PPP2R5E: variants seen among roughly 807,000 people sequenced by gnomAD.
PPP2R5E encodes serine/threonine-protein phosphatase 2A 56 kDa regulatory subunit epsilon isoform.
In PPP2R5E, 4 loss-of-function variants were observed where a neutral mutation model predicts 65.3. That is an observed-to-expected ratio of 0.06 (90% confidence interval 0.03 to 0.14). PPP2R5E has a LOEUF of 0.14. Ranked by LOEUF, PPP2R5E falls within the 10% of genes least tolerant of loss-of-function variation. The pLI, the probability that PPP2R5E is intolerant of heterozygous loss-of-function variation, is 1.00. For missense variants in PPP2R5E, 274 were observed against 556.1 expected, an observed-to-expected ratio of 0.49 and a Z score of 5.10; for synonymous variants, 183 against 187.4, an observed-to-expected ratio of 0.98 and a Z score of 0.19.
Position 63,415,395 on chromosome 14 carries a change from T to C in PPP2R5E, c.457-163A>G, listed in dbSNP as rs148897086. 3.3e-5 allele frequency among the ~76,000 whole-genome samples: 5 copies of C among 152,298 alleles called. No individual in the cohort carries two copies. In the East Asian group the frequency reaches 9.6e-4, roughly 29 times the overall value. ...CTTTCTTGTGGCTCACAGTTGCTGT[T>C]ATGCTTTCAACTTTTAAAATTTTAA... On this transcript the variant is annotated intron_variant, in intron 4 of 13. Transcript: ENST00000337537.
chr14:63,389,092 A>G (rs377401466), intron 11 of PPP2R5E, among the ~76,000 whole-genome samples: 1 of 151,536 alleles, frequency 6.6e-6, no homozygotes. Flanking sequence ...TCTACTCTCT[A>G]TTAACTTGGG....
Position 63,419,196 on chromosome 14 carries a change from G to T in PPP2R5E, c.456+2797C>A, listed in dbSNP as rs1013289171. On this transcript the variant is annotated intron_variant, in intron 4 of 13. Transcript: ENST00000337537. The stretch of plus-strand genomic sequence containing the variant: ...AAATTTAAATCAAAAAGGTATGCAG[G>T]AGCAGTCAATTAGCTGGGCAATGAG... 1.3e-5 allele frequency among the ~76,000 whole-genome samples: 2 copies of T among 152,212 alleles called. 1 individual carries two copies. The highest frequency in any genetic ancestry group is 6.8e-3 in the Middle Eastern group (2 of 294).
chr14:63,374,337 T>A lies in PPP2R5E; in HGVS notation c.*1672A>T, dbSNP rs1174372616. On this transcript the variant is annotated 3_prime_UTR_variant, in exon 14 of 14. Transcript: ENST00000337537. ...GCCCATATTTATATTGTATTTCTAT[T>A]AAGAGCAACAATAGTTCATATGTTC... 2 of 151,868 alleles carry A rather than the reference T, an allele frequency of 1.3e-5. No individual in the cohort carries two copies. Among genetic ancestry groups the A allele is most frequent in the African/African-American group, 4.8e-5 (2 of 41,394 alleles). 9.4% of individuals were successfully genotyped at this position (151,868 alleles called of 1,614,324 possible).
At chr14:63,423,678 A>C (rs577570108) in intron 3 of PPP2R5E, among the ~76,000 whole-genome samples, 1 of 152,356 alleles carries the variant, frequency 6.6e-6, no homozygotes, top group Non-Finnish European at 1.5e-5. Flanking sequence ...ACTGCTCTGA[A>C]AGAGGAAAGA....
chr14:63,416,674 A>T (rs1739865083), intron 4 of PPP2R5E, among the ~76,000 whole-genome samples: 1 of 152,136 alleles, frequency 6.6e-6, no homozygotes, highest in Admixed American at 6.5e-5. Context: ...ATTTAAAAAC[A>T]AGGTGCATTA....
chr14:63,512,094 AAAAAAAAAAAG>A (rs2139700200), intron 2 of PPP2R5E, among the ~76,000 whole-genome samples: 1 of 150,316 alleles, frequency 6.7e-6, no homozygotes, highest in South Asian at 2.1e-4. Context: ...AAAAAAAAAA[AAAAAAAAAAAG>A]AATCTCAGAA....
chr14:63,489,183 G>C (rs1040928317), intron 2 of PPP2R5E, among the ~76,000 whole-genome samples: 2 of 151,850 alleles, frequency 1.3e-5, no homozygotes, highest in African/African-American at 4.8e-5. Flanking sequence ...ATTAATTTGG[G>C]GGGGTAGTTT....
chr14:63,531,286 C>T (rs1056670326), intron 2 of PPP2R5E, among the ~76,000 whole-genome samples: 1 of 151,430 alleles, frequency 6.6e-6, no homozygotes, highest in African/African-American at 2.4e-5. Flanking sequence ...CGTCCCCCAT[C>T]CCCCCGACCC....
chr14:63,474,821 T>A (rs1184553455), intron 2 of PPP2R5E, among the ~76,000 whole-genome samples: 1 of 151,830 alleles, frequency 6.6e-6, no homozygotes, highest in Non-Finnish European at 1.5e-5. Context: ...ATAGGCCGGA[T>A]GAACTCACCT....
At chr14:63,509,169 A>C (rs866035494) in intron 2 of PPP2R5E, among the ~76,000 whole-genome samples, 2 of 150,652 alleles carry the variant, frequency 1.3e-5, no homozygotes, top group Admixed American at 6.6e-5. Flanking sequence ...AAATATTTCC[A>C]TTACAGTTGC....
At chr14:63,470,264 G>A (rs1253270957) in intron 2 of PPP2R5E, among the ~76,000 whole-genome samples, 2 of 152,034 alleles carry the variant, frequency 1.3e-5, no homozygotes, top group Non-Finnish European at 2.9e-5. Flanking sequence ...TAAAGACAGT[G>A]CTTCACTATG....
chr14:63,501,417 A>G (rs1566747181), intron 2 of PPP2R5E, among the ~76,000 whole-genome samples: 1 of 152,052 alleles, frequency 6.6e-6, no homozygotes, highest in Non-Finnish European at 1.5e-5. Flanking sequence ...AAAAAAAAAA[A>G]AAAGAAAATG....
At chr14:63,526,526 T>TTC (rs1158730464) in intron 2 of PPP2R5E, among the ~76,000 whole-genome samples, 5 of 150,938 alleles carry the variant, frequency 3.3e-5, no homozygotes, top group East Asian at 3.9e-4. Flanking sequence ...CTCTTTCTCT[T>TTC]TCTCTCTCTC....
Position 63,395,409 on chromosome 14 carries a change from G to A in PPP2R5E, c.681-124C>T, listed in dbSNP as rs535456451. 7.1e-4 allele frequency: 229 copies of A among 321,500 alleles called. 1 individual carries two copies. The highest frequency in any genetic ancestry group is 1.0e-3 in the African/African-American group (25 of 24,928). 19.9% of individuals were successfully genotyped at this position (321,500 alleles called of 1,614,324 possible). On this transcript the variant is annotated intron_variant, in intron 6 of 13. Transcript: ENST00000337537. ...AGAAGAGGAGGAGGAGGAGGAGAGC[G>A]GGGAAGAGAGGAGGAGAGGGAGGAC... is the stretch of plus-strand genomic sequence containing the variant.
chr14:63,492,137 T>G (rs1213136225), intron 2 of PPP2R5E, among the ~76,000 whole-genome samples: 1 of 152,080 alleles, frequency 6.6e-6, no homozygotes, highest in Non-Finnish European at 1.5e-5. Context: ...GCTTACTACC[T>G]CTGAACAAGA....
At chr14:63,517,380 ACT>A (rs1032409452) in intron 2 of PPP2R5E, among the ~76,000 whole-genome samples, 3 of 152,222 alleles carry the variant, frequency 2.0e-5, no homozygotes, top group African/African-American at 2.4e-5. Context: ...AGGAATGCAC[ACT>A]GTCTTGACTA....
In PPP2R5E at chr14:63,532,800, T is replaced by C. The variant is rs114828496; in HGVS notation, c.157+6729A>G. ...TGCGACAATGTATCACGACATGGAG[T>C]GTAGTAACCACTAAAATAGATGACA... is the stretch of plus-strand genomic sequence containing the variant. On this transcript the variant is annotated intron_variant, in intron 2 of 13. Coordinates refer to ENST00000337537, the MANE Select transcript of PPP2R5E (RefSeq NM_006246.5). Among the ~76,000 whole-genome samples the C allele has an allele frequency of 6.5e-3, 983 of 152,202 alleles. 7 individuals are homozygous for C. Among genetic ancestry groups the C allele is most frequent in the African/African-American group, 0.022 (896 of 41,536 alleles).
chr14:63,396,778 C>A, intron 5 of PPP2R5E, 62 bp from the exon 6 acceptor site: 1 of 1,570,900 alleles, frequency 6.4e-7, no homozygotes, highest in Non-Finnish European at 8.6e-7. Flanking sequence ...TTTAGGAATT[C>A]TATTATTTAA....
rs552135419 is a variant in PPP2R5E at position 63,420,624 on chromosome 14, G to A, written c.456+1369C>T. On this transcript the variant is annotated intron_variant, in intron 4 of 13. Coordinates refer to ENST00000337537, the MANE Select transcript of PPP2R5E (RefSeq NM_006246.5). ...CGGGAAATAGCACACGTGTGTACTTGCAGAAACTTTGAGTTGTCAAAGCAG... is the reference window on the plus strand; with the variant it reads ...CGGGAAATAGCACACGTGTGTACTTACAGAAACTTTGAGTTGTCAAAGCAG... Among the ~76,000 whole-genome samples, 6 of 152,310 alleles carry A rather than the reference G, an allele frequency of 3.9e-5. No homozygotes were observed. The East Asian group carries it at 1.2e-3, about 29-fold the overall frequency.
Sources: allele counts gnomAD v4.1 joint callset (sites outside exome capture counted in the v4.1 genomes callset), GRCh38; gene constraint gnomAD v4.1.1; transcripts MANE v1.5; gene names NCBI Gene and HGNC (gene_info 2026-07-23, HGNC 2026-07-21).